The following GPC5 variants were observed in gnomAD, a reference collection of about 807,000 sequenced individuals.
GPC5 encodes the protein glypican 5, also known as glypican-5.
GPC5 carries 47 observed loss-of-function variants against 53.9 expected under a neutral mutation model. That is an observed-to-expected ratio of 0.87 (90% CI 0.69 to 1.11). GPC5 has a LOEUF of 1.11. Ranked by LOEUF, GPC5 falls within the 50% of genes most tolerant of loss-of-function variation. GPC5 has a pLI of 0.00. For synonymous variants in GPC5, 286 were observed against 263.3 expected (o/e 1.09, Z -0.84); for missense variants, 748 against 713.1 (o/e 1.05, Z -0.56).
chr13:92,316,902 T>A (rs184426530), intron 7 of GPC5, among the ~76,000 whole-genome samples: 10 of 152,284 alleles, frequency 6.6e-5, no homozygotes. Flanking sequence ...ACTCATAAAT[T>A]GTTCATACTT....
chr13:92,852,389 G>A (rs1326672275), intron 7 of GPC5, among the ~76,000 whole-genome samples: 1 of 152,112 alleles, frequency 6.6e-6, no homozygotes, highest in Non-Finnish European at 1.5e-5. Flanking sequence ...CAAAGGTGAT[G>A]GGATTTGGGG....
chr13:91,657,943 G>A (rs16946433), intron 2 of GPC5, among the ~76,000 whole-genome samples: 17,460 of 152,162 alleles, frequency 0.11, 1,214 homozygotes, highest in East Asian at 0.28. Context: ...AGCAACATGA[G>A]TAATGCCTAC....
intron 7 of GPC5, among the ~76,000 whole-genome samples, chr13:92,635,415 C>T (rs1408192802): frequency 6.6e-6 from 1 of 152,128 alleles, no homozygotes; most frequent in Admixed American, 6.6e-5. Flanking sequence ...ACAGGGATTT[C>T]TTCTTTCTTC....
At chr13:92,014,144 A>G (rs986579764) in intron 6 of GPC5, among the ~76,000 whole-genome samples, 4 of 152,194 alleles carry the variant, frequency 2.6e-5, no homozygotes, top group African/African-American at 9.6e-5. Context: ...GCCTTTATCT[A>G]CTTAGCTCCT....
At chr13:92,381,871 T>TATATATCATATATATG (rs2043744804) in intron 7 of GPC5, among the ~76,000 whole-genome samples, 1 of 107,042 alleles carries the variant, frequency 9.3e-6, no homozygotes, top group Admixed American at 9.8e-5. Context: ...ATATATATCA[T>TATATATCATATATATG]ATATATGATT....
chr13:91,480,923 T>A (rs1883265480), intron 2 of GPC5, among the ~76,000 whole-genome samples: 3 of 151,860 alleles, frequency 2.0e-5, no homozygotes, highest in African/African-American at 7.3e-5. Flanking sequence ...CAGTCCCCAT[T>A]GAGACAGTGA....
At chr13:92,559,501 G>A (rs1050122069) in intron 7 of GPC5, among the ~76,000 whole-genome samples, 2 of 151,572 alleles carry the variant, frequency 1.3e-5, no homozygotes, top group Admixed American at 6.6e-5. Flanking sequence ...CTAGCCAGGA[G>A]CACACCTTTC....
intron 7 of GPC5, among the ~76,000 whole-genome samples, chr13:92,303,616 G>A (rs981546552): frequency 1.2e-4 from 18 of 152,260 alleles, no homozygotes; most frequent in African/African-American, 2.4e-5. Context: ...ATGCCAGATG[G>A]TGGCTATCAA....
intron 6 of GPC5, among the ~76,000 whole-genome samples, chr13:91,929,137 G>A (rs1218320566): frequency 2.0e-5 from 3 of 151,974 alleles, no homozygotes; most frequent in African/African-American, 2.4e-5. Flanking sequence ...TAATATTAAA[G>A]ATTTAGTAAA....
chr13:91,738,088 A>G (rs1385953447), intron 4 of GPC5, among the ~76,000 whole-genome samples: 2 of 151,370 alleles, frequency 1.3e-5, no homozygotes, highest in Non-Finnish European at 2.9e-5. Context: ...GGGATGGGAA[A>G]TAAAATTTGC....
chr13:92,579,410 G>A (rs71427582), intron 7 of GPC5, among the ~76,000 whole-genome samples: 21,490 of 150,586 alleles, frequency 0.14, 2,032 homozygotes, highest in Non-Finnish European at 0.21. Flanking sequence ...AATAAAGGGG[G>A]CAAATACATG....
chr13:92,717,947 G>T (rs894656084), intron 7 of GPC5, among the ~76,000 whole-genome samples: 10 of 151,940 alleles, frequency 6.6e-5, no homozygotes, highest in Admixed American at 1.3e-4. Flanking sequence ...TGGGCAAAAG[G>T]TCTAAGAAAG....
intron 2 of GPC5, among the ~76,000 whole-genome samples, chr13:91,468,872 G>A (rs902780265): frequency 2.0e-5 from 2 of 101,678 alleles, no homozygotes; most frequent in East Asian, 4.9e-4. Context: ...TAAGATAATG[G>A]TCTTTTTTTT....
At chr13:92,023,655 C>T (rs2138794444) in intron 6 of GPC5, among the ~76,000 whole-genome samples, 1 of 131,042 alleles carries the variant, frequency 7.6e-6, no homozygotes, top group East Asian at 2.5e-4. Context: ...AAAAATCCTC[C>T]TTTGCTGAGG....
chr13:91,768,608 G>T (rs1412160799), intron 5 of GPC5, among the ~76,000 whole-genome samples: 2 of 152,146 alleles, frequency 1.3e-5, no homozygotes, highest in African/African-American at 2.4e-5. Context: ...ATAATTATAT[G>T]TGTGAAATAT....
At chr13:92,181,630 A>T (rs2042147923) in intron 7 of GPC5, among the ~76,000 whole-genome samples, 1 of 152,214 alleles carries the variant, frequency 6.6e-6, no homozygotes, top group Non-Finnish European at 1.5e-5. Context: ...GATTTTTTAA[A>T]GTAAAGCCCT....
At chr13:91,621,897 A>G (rs1940345965) in intron 2 of GPC5, among the ~76,000 whole-genome samples, 1 of 151,546 alleles carries the variant, frequency 6.6e-6, no homozygotes, top group East Asian at 2.0e-4. Context: ...CCAAAACCTC[A>G]AAAGTAGGGA....
chr13:92,466,388 A>ACAACCTGAAGTCATAAAGACTCTTG (rs1485412445), intron 7 of GPC5, among the ~76,000 whole-genome samples: 44 of 152,154 alleles, frequency 2.9e-4, no homozygotes, highest in African/African-American at 1.0e-3. Flanking sequence ...ATATAAAATC[A>ACAACCTGAAGTCATAAAGACTCTTG]CAACCTGAAG....
At chr13:92,325,012 T>C (rs2043241154) in intron 7 of GPC5, among the ~76,000 whole-genome samples, 1 of 151,636 alleles carries the variant, frequency 6.6e-6, no homozygotes, top group Admixed American at 6.6e-5. Context: ...TTTTGCAAAA[T>C]ACGTAAAATA....
Sources: gnomAD v4.1 joint callset for allele counts (sites outside exome capture counted in the v4.1 genomes callset) on GRCh38, gnomAD v4.1.1 for gene constraint, MANE v1.5 for transcripts, NCBI Gene and HGNC (gene_info 2026-07-23, HGNC 2026-07-21) for gene names.